The following ZNF804B variants were observed in gnomAD, a reference collection of about 807,000 sequenced individuals.
The protein encoded by ZNF804B is zinc finger 804B.
ZNF804B carries 80 observed loss-of-function variants against 101.4 expected under a neutral mutation model. That is an observed-to-expected ratio of 0.79 (90% confidence interval 0.66 to 0.95). ZNF804B has a LOEUF of 0.95. ZNF804B is among the 40% of genes least tolerant of loss of function. The pLI is 0.00. For missense variants in ZNF804B, 1,673 were observed against 1,561.9 expected (o/e 1.07, Z -1.20); for synonymous variants, 622 against 558.8 (o/e 1.11, Z -1.59).
At position 89,001,035 on chromosome 7, in the gene ZNF804B, A is replaced by G. The variant is rs1788279747; in HGVS notation, c.109-217120A>G. ...ATAGTATAATATAATATATAATATT[A>G]TATATATTATTCAGGGGTGGGGATG... is the stretch of plus-strand genomic sequence containing the variant. On this transcript the variant is annotated intron_variant, in intron 1 of 3. Coordinates refer to ENST00000333190, the MANE Select transcript of ZNF804B (RefSeq NM_181646.5). 2.0e-5 allele frequency among the ~76,000 whole-genome samples: 3 copies of G among 147,286 alleles called. No individual in the cohort carries two copies. In the Admixed American group the frequency reaches 2.1e-4, roughly 10 times the overall value.
intron 1 of ZNF804B, among the ~76,000 whole-genome samples, chr7:89,009,349 G>A (rs1788418053): frequency 6.6e-6 from 1 of 152,008 alleles, no homozygotes; most frequent in Non-Finnish European, 1.5e-5. Context: ...TCAAATATAT[G>A]TATCCACTCT....
intron 1 of ZNF804B, among the ~76,000 whole-genome samples, chr7:89,215,659 G>T (rs1039366399): frequency 6.6e-6 from 1 of 151,788 alleles, no homozygotes; most frequent in African/African-American, 2.4e-5. Context: ...CGAGGCGGGC[G>T]CATCACGAGG....
At chr7:88,856,651 G>A (rs1791564148) in intron 1 of ZNF804B, among the ~76,000 whole-genome samples, 1 of 152,078 alleles carries the variant, frequency 6.6e-6, no homozygotes, top group Non-Finnish European at 1.5e-5. Context: ...ATGTTGAATA[G>A]GAGTGGTGAG....
At chr7:89,249,586 A>G (rs1271324009) in intron 2 of ZNF804B, among the ~76,000 whole-genome samples, 3 of 152,182 alleles carry the variant, frequency 2.0e-5, no homozygotes, top group African/African-American at 7.2e-5. Flanking sequence ...TTTGAAATAA[A>G]TGAAAACACA....
chr7:88,846,305 A>T (rs557245893), intron 1 of ZNF804B, among the ~76,000 whole-genome samples: 186 of 152,350 alleles, frequency 1.2e-3, no homozygotes, highest in Non-Finnish European at 1.5e-3. Flanking sequence ...ACTGAGTAGA[A>T]AAAAACTATG....
At chr7:88,931,820 T>C (rs1247432211) in intron 1 of ZNF804B, among the ~76,000 whole-genome samples, 1 of 151,884 alleles carries the variant, frequency 6.6e-6, no homozygotes, top group East Asian at 1.9e-4. Flanking sequence ...TCAATGTTTT[T>C]TTTAAAAAAC....
intron 1 of ZNF804B, among the ~76,000 whole-genome samples, chr7:88,920,826 TAATTA>T (rs1792708699): frequency 6.6e-6 from 1 of 152,048 alleles, no homozygotes; most frequent in Non-Finnish European, 1.5e-5. Flanking sequence ...TAATTAAAAA[TAATTA>T]AAATAAAAAT....
chr7:88,823,677 A>G (rs1791015109), intron 1 of ZNF804B, among the ~76,000 whole-genome samples: 1 of 152,114 alleles, frequency 6.6e-6, no homozygotes, highest in Non-Finnish European at 1.5e-5. Context: ...GTCCCCAGGT[A>G]CCATGAGCAT....
At chr7:89,326,945 T>C (rs1471260124) in intron 2 of ZNF804B, among the ~76,000 whole-genome samples, 6 of 147,132 alleles carry the variant, frequency 4.1e-5, no homozygotes, top group Admixed American at 4.0e-4. Flanking sequence ...GTGTATTTAA[T>C]AGCATCACTT....
intron 1 of ZNF804B, among the ~76,000 whole-genome samples, chr7:89,171,429 TCTC>T (rs1791234861): frequency 6.7e-6 from 1 of 149,612 alleles, no homozygotes; most frequent in African/African-American, 2.5e-5. Flanking sequence ...TCCTTCTCCT[TCTC>T]CTTCTCCTTC....
At chr7:89,237,000 A>G (rs1789292804) in intron 2 of ZNF804B, among the ~76,000 whole-genome samples, 1 of 152,178 alleles carries the variant, frequency 6.6e-6, no homozygotes, top group South Asian at 2.1e-4. Context: ...GTCTAAAGCT[A>G]TGACTCCACC....
chr7:89,240,390 T>G (rs2115761064), intron 2 of ZNF804B, among the ~76,000 whole-genome samples: 1 of 150,294 alleles, frequency 6.7e-6, no homozygotes, highest in South Asian at 2.1e-4. Flanking sequence ...GTAAATCCCA[T>G]GCTGAGGTGA....
At chr7:88,964,168 A>G (rs1267839099) in intron 1 of ZNF804B, among the ~76,000 whole-genome samples, 2 of 151,404 alleles carry the variant, frequency 1.3e-5, no homozygotes, top group African/African-American at 2.4e-5. Context: ...CAACAATTCC[A>G]TTTTACTAGA....
chr7:88,981,637 G>A (rs1271678307), intron 1 of ZNF804B, among the ~76,000 whole-genome samples: 1 of 152,002 alleles, frequency 6.6e-6, no homozygotes, highest in Non-Finnish European at 1.5e-5. Context: ...CCACAGTGGT[G>A]GGACTAGCCA....
At chr7:89,162,182 T>C (rs916372910) in intron 1 of ZNF804B, among the ~76,000 whole-genome samples, 1 of 152,160 alleles carries the variant, frequency 6.6e-6, no homozygotes, top group Non-Finnish European at 1.5e-5. Context: ...CTGGTCACCA[T>C]TTTTTAACAA....
intron 1 of ZNF804B, among the ~76,000 whole-genome samples, chr7:88,965,681 C>G (rs1793443659): frequency 6.6e-6 from 1 of 151,442 alleles, no homozygotes; most frequent in Non-Finnish European, 1.5e-5. Flanking sequence ...CTACAATTCC[C>G]TAAGTTTGTC....
chr7:89,031,236 G>GAA (rs549764211), intron 1 of ZNF804B, among the ~76,000 whole-genome samples: 3 of 142,380 alleles, frequency 2.1e-5, no homozygotes, highest in South Asian at 4.4e-4. Context: ...TCAGAAATAG[G>GAA]AAAAAAAAAA....
intron 1 of ZNF804B, among the ~76,000 whole-genome samples, chr7:89,163,545 A>T (rs1014224569): frequency 6.6e-6 from 1 of 152,044 alleles, no homozygotes; most frequent in Non-Finnish European, 1.5e-5. Context: ...TAATGTTTCC[A>T]TTTCATTTAG....
At chr7:89,002,222 T>A (rs142752416) in intron 1 of ZNF804B, among the ~76,000 whole-genome samples, 1 of 151,932 alleles carries the variant, frequency 6.6e-6, no homozygotes, top group African/African-American at 2.4e-5. Flanking sequence ...GATGAAAGAT[T>A]TGTGAGTACA....
Sources: gnomAD v4.1 joint callset for allele counts (sites outside exome capture counted in the v4.1 genomes callset) on GRCh38, gnomAD v4.1.1 for gene constraint, MANE v1.5 for transcripts, NCBI Gene and HGNC (gene_info 2026-07-23, HGNC 2026-07-21) for gene names.